DEAF1: variants seen among roughly 807,000 people sequenced by gnomAD.
The protein encoded by DEAF1 is DEAF1 transcription factor.
DEAF1 carries 53 observed loss-of-function variants against 58.9 expected under a neutral mutation model. The observed-to-expected ratio is 0.90, with a 90% CI of 0.72 to 1.13. The LOEUF (loss-of-function observed/expected upper bound fraction) is 1.13. Ranked by LOEUF, DEAF1 falls within the 50% of genes most tolerant of loss-of-function variation. The pLI is 0.00. For synonymous variants in DEAF1, 385 were observed against 340.4 expected, an observed-to-expected ratio of 1.13 and a Z score of -1.44; for missense variants, 685 against 791.4, an observed-to-expected ratio of 0.87 and a Z score of 1.61.
chr11:648,123 A>G (rs1313936777), intron 11 of DEAF1, among the ~76,000 whole-genome samples: 1 of 151,722 alleles, frequency 6.6e-6, no homozygotes, highest in East Asian at 1.9e-4. Context: ...GGGCTTCATA[A>G]CATGCATAAA....
At chr11:701,023 T>G in intron 1 of DEAF1, 2 of 423,900 alleles carry the variant, frequency 4.7e-6, no homozygotes, top group Non-Finnish European at 8.7e-6. Context: ...CTCCGGAATA[T>G]TCACCAGCAC....
upstream of DEAF1, chr11:697,774 C>T (rs768464524): frequency 3.3e-5 from 5 of 152,252 alleles, no homozygotes; most frequent in Non-Finnish European, 5.9e-5. Flanking sequence ...CGCGATGCGG[C>T]GTGGTCTGCC....
rs1290052475 is a variant in DEAF1 at position 664,506 on chromosome 11, C to T, written c.1503+10030G>A. Among the ~76,000 whole-genome samples the T allele has an allele frequency of 2.1e-3, 66 of 31,372 alleles. 1 individual carries two copies. The highest frequency in any genetic ancestry group is 8.9e-3 in the African/African-American group (60 of 6,716). The allele number at this position is 31,372 out of a possible 152,430, so 20.6% of individuals were successfully genotyped here. On this transcript the variant is annotated intron_variant, in intron 10 of 11. Transcript: ENST00000382409. ...TCACACCGAGAGGAGGAGGACAGGG[C>T]GTCACACTCGGTCACTCTGAGTCCT...
intron 10 of DEAF1, among the ~76,000 whole-genome samples, chr11:667,446 AGGAAGGAAG>A (rs386749604): frequency 7.5e-6 from 1 of 134,074 alleles, no homozygotes; most frequent in Non-Finnish European, 1.5e-5. Context: ...GAAGGAAGGA[AGGAAGGAAG>A]GCAGGTAGGC....
Position 667,592 on chromosome 11 carries a change from G to A in DEAF1, c.1503+6944C>T, listed in dbSNP as rs530757154. 3.6e-4 allele frequency among the ~76,000 whole-genome samples: 53 copies of A among 148,756 alleles called. 1 individual carries two copies. The highest frequency in any genetic ancestry group is 1.3e-3 in the African/African-American group (52 of 40,254). On this transcript the variant is annotated intron_variant, in intron 10 of 11. Transcript: ENST00000382409. ...CGAGGCAGGTGAATCACCTGAGGTC[G>A]GTCAGGTGTTCAAGACCGGTCTGGC...
intron 10 of DEAF1, among the ~76,000 whole-genome samples, chr11:668,844 T>TA (rs1436644302): frequency 2.0e-5 from 3 of 151,770 alleles, no homozygotes; most frequent in Non-Finnish European, 4.4e-5. Context: ...TGTTTTTTTT[T>TA]AGACAGAGTC....
chr11:679,348 T>C (rs1327177474), intron 8 of DEAF1, among the ~76,000 whole-genome samples: 1 of 151,998 alleles, frequency 6.6e-6, no homozygotes, highest in East Asian at 1.9e-4. Context: ...AACTCTATTT[T>C]CCTCAGTGTG....
intron 6 of DEAF1, 145 bp from the exon 7 acceptor site, chr11:681,234 C>A: frequency 1.7e-6 from 2 of 1,170,680 alleles, no homozygotes; most frequent in South Asian, 2.6e-5. Flanking sequence ...CTAAAGATCC[C>A]ACCTCTTTTT....
At chr11:689,481 GATT>G (rs1860741335) in intron 2 of DEAF1, among the ~76,000 whole-genome samples, 1 of 152,044 alleles carries the variant, frequency 6.6e-6, no homozygotes, top group African/African-American at 2.4e-5. Context: ...AGAGTGCTGG[GATT>G]ACAGGCAGGA....
intron 1 of DEAF1, chr11:704,324 C>T (rs992573872): frequency 7.6e-6 from 6 of 786,512 alleles, no homozygotes; most frequent in South Asian, 3.2e-5. Flanking sequence ...GGGGCTCCCT[C>T]GGCTGGGGTG....
At position 674,589 on chromosome 11, in the gene DEAF1, G is replaced by A. The variant is rs949860707; in HGVS notation, c.1450C>T (p.Arg484Ter). ...TTGGCCTGGTTTGTGGCAGCTTCTC[G>A]GTAGGTGCTGGCATGCTTGGCTTGC... is the stretch of plus-strand genomic sequence containing the variant. ...FEQAKHASTY[R>*]EAATNQAKIH... Residue 484 changes from arginine (R) to a stop codon, truncating the protein, a stop_gained, in exon 10 of 12, where the codon CGA becomes TGA. Transcript: ENST00000382409. LOFTEE classifies it high-confidence loss of function. 8.1e-6 allele frequency: 13 copies of A among 1,614,002 alleles called. No homozygotes were observed. Among genetic ancestry groups the A allele is most frequent in the Non-Finnish European group, 1.1e-5 (13 of 1,180,042 alleles).
At chr11:663,041 A>G (rs1758593196) in intron 10 of DEAF1, among the ~76,000 whole-genome samples, 1 of 152,222 alleles carries the variant, frequency 6.6e-6, no homozygotes, top group African/African-American at 2.4e-5. Context: ...GGCCAGAAGC[A>G]GGGGCTCACG....
chr11:686,448 G>A (rs1245010898), intron 5 of DEAF1, among the ~76,000 whole-genome samples: 3 of 152,164 alleles, frequency 2.0e-5, no homozygotes, highest in African/African-American at 7.2e-5. Flanking sequence ...AGCTAAACTG[G>A]AATAGGAATT....
rs117191642 is a variant in DEAF1 at position 673,647 on chromosome 11, C to T, written c.1503+889G>A. On this transcript the variant is annotated intron_variant, in intron 10 of 11. Transcript: ENST00000382409. ...ACAAACCAAAGTCCACGTTACCGTA[C>T]CCGAAAAAGCAGCTACAACAAAATC... Among the ~76,000 whole-genome samples, 1,007 of 152,214 alleles carry T rather than the reference C, an allele frequency of 6.6e-3. 4 individuals carry two copies. The highest frequency in any genetic ancestry group is 0.014 in the Middle Eastern group (4 of 294).
intron 10 of DEAF1, among the ~76,000 whole-genome samples, chr11:662,385 C>T (rs1163285523): frequency 6.6e-6 from 1 of 152,266 alleles, no homozygotes; most frequent in Non-Finnish European, 1.5e-5. Context: ...GGCATAAAGC[C>T]TTCCTCCCAT....
In DEAF1 at chr11:688,690, G is replaced by C. The variant is rs979777311; in HGVS notation, c.388-230C>G. ...CTGTGTGGTGCTGAGGAAAATGCTT[G>C]CCATCATTTGTCAAAGGGAAGGAAG... On this transcript the variant is annotated intron_variant, in intron 2 of 11. Coordinates refer to ENST00000382409, the MANE Select transcript of DEAF1 (RefSeq NM_021008.4). The surrounding 1 kb of genome is among the most constrained non-coding windows in gnomAD (Gnocchi z 4.3). 6.6e-6 allele frequency among the ~76,000 whole-genome samples: 1 copy of C among 152,108 alleles called. No individual in the cohort carries two copies. The highest frequency in any genetic ancestry group is 2.4e-5 in the African/African-American group (1 of 41,398).
chr11:644,376 C>T lies in DEAF1; in HGVS notation c.*174G>A, dbSNP rs1049572064. 1.7e-5 allele frequency: 11 copies of T among 657,836 alleles called. No individual in the cohort carries two copies. The highest frequency in any genetic ancestry group is 1.1e-4 in the African/African-American group (6 of 56,074). 40.7% of individuals were successfully genotyped at this position (657,836 alleles called of 1,614,324 possible). A position where few individuals can be genotyped will look rare whatever the true frequency, so the allele number is the denominator to read the frequency against. The stretch of plus-strand genomic sequence containing the variant: ...GCAGGGGGCCCGGGCAGGGGGAGTG[C>T]GCTTCCCAGGGCACCATTCGCTTAA... On this transcript the variant is annotated 3_prime_UTR_variant, in exon 12 of 12. Transcript: ENST00000382409. This position sits in a 1 kb window ranked among gnomAD's most constrained non-coding sequence, Gnocchi z 4.3.
chr11:698,852 G>C, upstream of DEAF1: 1 of 1,614,128 alleles, frequency 6.2e-7, no homozygotes, highest in Admixed American at 1.7e-5. Context: ...CTTGCTCACG[G>C]CCCCTTTCTC....
At chr11:673,301 T>G (rs1034478641) in intron 10 of DEAF1, among the ~76,000 whole-genome samples, 1 of 151,596 alleles carries the variant, frequency 6.6e-6, no homozygotes, top group African/African-American at 2.4e-5. Context: ...CTGAGGCGGG[T>G]GGATCACCTG....
Sources: gnomAD v4.1 joint callset for allele counts (sites outside exome capture counted in the v4.1 genomes callset) on GRCh38, gnomAD v4.1.1 for gene constraint, Gnocchi (gnomAD v3.1) non-coding constraint, MANE v1.5 for transcripts, NCBI Gene and HGNC (gene_info 2026-07-23, HGNC 2026-07-21) for gene names.